Variants in MUC4 observed in about 807,000 individuals in gnomAD.
MUC4 encodes mucin 4, cell surface associated, also known as mucin-4.
MUC4 carries 202 observed loss-of-function variants against 257.9 expected under a neutral mutation model. The observed-to-expected ratio is 0.78, with a 90% CI of 0.70 to 0.88. MUC4 has a LOEUF of 0.88. Ranked by LOEUF, MUC4 falls within the 40% of genes least tolerant of loss-of-function variation. The pLI, the probability that MUC4 is intolerant of heterozygous loss-of-function variation, is 0.00. For missense variants in MUC4, 5,976 were observed against 6,513.7 expected (o/e 0.92, Z 2.84); for synonymous variants, 2,351 against 2,757.1 (o/e 0.85, Z 4.62).
intron 1 of MUC4, among the ~76,000 whole-genome samples, chr3:195,799,953 C>T (rs1735087101): frequency 6.6e-6 from 1 of 152,200 alleles, no homozygotes; most frequent in African/African-American, 2.4e-5. Context: ...CAGGCCCCAT[C>T]CCTCACCTGC....
Position 195,789,439 on chromosome 3 carries a change from T to C in MUC4, c.2141A>G (p.Gln714Arg). The part of the protein sequence containing the change: ...HTTQAPTTAL[Q>R]AAPSSHDATL... ...GGCATCATGGCTGCTGGGTGCTGCC[T>C]GCAGTGCTGTGGTCGGGGCCTGGGT... Residue 714 changes from glutamine (Q) to arginine (R), a missense_variant, in exon 2 of 25, where the codon CAG becomes CGG. Transcript: ENST00000463781. 6.2e-7 allele frequency: 1 copy of C among 1,613,836 alleles called. No individual in the cohort carries two copies. Among genetic ancestry groups the C allele is most frequent in the Non-Finnish European group, 8.5e-7 (1 of 1,179,830 alleles).
At position 195,788,825 on chromosome 3, in the gene MUC4, AC is replaced by A; in HGVS notation, c.2754del (p.Ser919LeufsTer317). The A allele has an allele frequency of 2.5e-6, 4 of 1,613,784 alleles. No homozygotes were observed. Among genetic ancestry groups the A allele is most frequent in the Non-Finnish European group, 3.4e-6 (4 of 1,179,826 alleles). On this transcript the variant is annotated frameshift_variant, in exon 2 of 25. Coordinates refer to ENST00000463781, the MANE Select transcript of MUC4 (RefSeq NM_018406.7). LOFTEE classifies it high-confidence loss of function. Reference sequence around the variant, plus strand: ...TGGGACGCCAGGCTGATAGTGTCAGACCCTCTGCTGGTTCTTGTCCTCTGAG... The same window carrying A: ...TGGGACGCCAGGCTGATAGTGTCAGACCTCTGCTGGTTCTTGTCCTCTGAG... ...AQTQRTRTSRGSDTISLASQA... is the reference protein window; with the variant it reads ...AQTQRTRTSRXSDTISLASQA...
chr3:195,762,186 C>T lies in MUC4; in HGVS notation c.14413G>A (p.Asp4805Asn). ...RNGSEVSASF[D>N]GWATVSVIAL... ...ATCACCGAGACGGTGGCCCAGCCGT[C>T]GAAGCTGGCCGAGACCTCAGAGCCG... The change falls in exon 14 of 25, where the codon GAC becomes AAC. Residue 4805 changes from aspartate (D) to asparagine (N), a missense_variant. This residue lies in a region of MUC4 where 996 missense variants were observed against 1,137.3 expected (regional missense o/e 0.88). Coordinates refer to ENST00000463781, the MANE Select transcript of MUC4 (RefSeq NM_018406.7). 6.2e-7 allele frequency: 1 copy of T among 1,603,378 alleles called. No homozygotes were observed. Among genetic ancestry groups the T allele is most frequent in the Non-Finnish European group, 8.5e-7 (1 of 1,175,198 alleles).
In MUC4 at chr3:195,779,527, G is replaced by A. The variant is rs74573747; in HGVS notation, c.12053C>T (p.Pro4018Leu). The change falls in exon 2 of 25, where the codon CCT (proline) becomes CTT (leucine). Residue 4018 changes from proline (P) to leucine (L), a missense_variant. Pro to Leu is a moderately conservative substitution (Grantham distance 98). Coordinates refer to ENST00000463781, the MANE Select transcript of MUC4 (RefSeq NM_018406.7). ...GGATGCTGAGGAAGGGCTGGTGACA[G>A]GAAGAGGGGTGGCGTGACCTGTAGA... ...SVSTGHATPL[P>L]VTSPSSASTG... is the part of the protein sequence containing the mutation. 6.0e-6 allele frequency: 6 copies of A among 1,000,290 alleles called. 1 individual carries two copies. Among genetic ancestry groups the A allele is most frequent in the African/African-American group, 4.4e-5 (2 of 45,058 alleles). 62.0% of individuals were successfully genotyped at this position (1,000,290 alleles called of 1,614,324 possible).
intron 4 of MUC4, among the ~76,000 whole-genome samples, chr3:195,772,976 A>T (rs71318001): frequency 9.3e-6 from 1 of 107,772 alleles, no homozygotes; most frequent in East Asian, 4.9e-4. Context: ...TCAGGGGTGT[A>T]GACACCCTCT....
intron 18 of MUC4, among the ~76,000 whole-genome samples, chr3:195,756,403 C>T (rs527597657): frequency 8.5e-5 from 13 of 152,262 alleles, no homozygotes; most frequent in Admixed American, 3.9e-4. Context: ...AGCTGTGGGG[C>T]GCTGTGAGAA....
At chr3:195,768,905 A>C (rs1007549814) in intron 7 of MUC4, 117 bp downstream of exon 7, 2 of 1,342,932 alleles carry the variant, frequency 1.5e-6, no homozygotes, top group African/African-American at 2.9e-5. Flanking sequence ...CGTGAGTCAG[A>C]AGCACCAGCC....
At chr3:195,767,775 CCATCACCACCATCATTGCCACCACCAT>C (rs1721568045) in intron 7 of MUC4, among the ~76,000 whole-genome samples, 3 of 106,708 alleles carry the variant, frequency 2.8e-5, no homozygotes, top group South Asian at 3.3e-4. Context: ...ACCACCACCA[CCATCACCACCATCATTGCCACCACCAT>C]CATCACCACC....
chr3:195,761,653 C>A lies in MUC4; in HGVS notation c.14513-68G>T. On this transcript the variant is annotated intron_variant, in intron 14 of 24. Transcript: ENST00000463781. ...TGTCCCCTTCCTGGGGAGCATCCGG[C>A]GGACGCAGTGGGGAGAGGCCAGGGC... is the stretch of plus-strand genomic sequence containing the variant. 3.2e-6 allele frequency: 4 copies of A among 1,262,998 alleles called. No individual in the cohort carries two copies. In the South Asian group the frequency reaches 4.9e-5, roughly 16 times the overall value. 78.2% of individuals were successfully genotyped at this position (1,262,998 alleles called of 1,614,324 possible).
rs760937737 is a variant in MUC4, at chr3:195,786,477, G to T, written c.5103C>A (p.Asp1701Glu). 5 of 1,525,928 alleles carry T rather than the reference G, an allele frequency of 3.3e-6. 1 individual carries two copies. The highest frequency in any genetic ancestry group is 5.0e-5 in the East Asian group (2 of 40,006). 94.5% of individuals were successfully genotyped at this position (1,525,928 alleles called of 1,614,324 possible). A position where few individuals can be genotyped will look rare whatever the true frequency, so the allele number is the denominator to read the frequency against. The change falls in exon 2 of 25, where the codon GAC becomes GAA. Residue 1701 changes from aspartate (D) to glutamate (E), a missense_variant. Around this residue, in one of 44 missense-constraint regions of MUC4, gnomAD observed 138 missense variants for 107.8 expected, o/e 1.28. Coordinates refer to ENST00000463781, the MANE Select transcript of MUC4 (RefSeq NM_018406.7). Reference protein sequence around the residue: ...TDDTTRLPVTDVSSASTGQAT... With the variant: ...TDDTTRLPVTEVSSASTGQAT... ...CCTGACCTGTGGATGCCGAGGAAACGTCGGTGACAGGAAGACGGGTGGTGT... is the reference window on the plus strand; with the variant it reads ...CCTGACCTGTGGATGCCGAGGAAACTTCGGTGACAGGAAGACGGGTGGTGT...
At chr3:195,760,022 T>C (rs1718456914) in intron 16 of MUC4, among the ~76,000 whole-genome samples, 1 of 144,084 alleles carries the variant, frequency 6.9e-6, no homozygotes, top group Non-Finnish European at 1.5e-5. Flanking sequence ...GGTCTGTTTC[T>C]CGGAGCCCTG....
At position 195,760,935 on chromosome 3, in the gene MUC4, G is replaced by T. The variant is rs759754343; in HGVS notation, c.14797C>A (p.Leu4933Ile). Residue 4933 changes from leucine to isoleucine, a missense_variant, in exon 16 of 25, where the codon CTT (leucine) becomes ATT (isoleucine). Physicochemically the swap from Leu to Ile is conservative, Grantham distance 5. This residue lies in a region of MUC4 where 996 missense variants were observed against 1,137.3 expected (regional missense o/e 0.88). Transcript: ENST00000463781. ...TTTTTACTGACTTCCCTCGTGTGAA[G>T]TCCGATGCTTGCGTTGCGCAGGGCC... ...TLALRNASIG[L>I]HTREVSKNYE... 4.3e-6 allele frequency: 7 copies of T among 1,614,116 alleles called. No homozygotes were observed. The Admixed American group carries it at 6.7e-5, about 15-fold the overall frequency.
At chr3:195,798,577 G>A (rs903373874) in intron 1 of MUC4, among the ~76,000 whole-genome samples, 4 of 151,196 alleles carry the variant, frequency 2.6e-5, no homozygotes, top group Admixed American at 6.6e-5. Context: ...GGTGGCGGGC[G>A]CCTGTAGTCC....
In MUC4 at chr3:195,780,670, C is replaced by G. The variant is rs747744524; in HGVS notation, c.10910G>C (p.Ser3637Thr). The change falls in exon 2 of 25, where the codon AGC becomes ACC. Residue 3637 changes from serine to threonine, a missense_variant. Ser to Thr is a moderately conservative substitution (Grantham distance 58). Around this residue, in one of 44 missense-constraint regions of MUC4, gnomAD observed 59 missense variants for 149.8 expected, o/e 0.39. Coordinates refer to ENST00000463781, the MANE Select transcript of MUC4 (RefSeq NM_018406.7). ...TGQATPLPVTSLSSVSTGDTT... is the reference protein window; with the variant it reads ...TGQATPLPVTTLSSVSTGDTT... ...GTCACCTGTGGATACTGAGGAAAGGCTGGTGACAGGAAGAGGGGTGGCCTG... is the reference window on the plus strand; with the variant it reads ...GTCACCTGTGGATACTGAGGAAAGGGTGGTGACAGGAAGAGGGGTGGCCTG... 1.3e-6 allele frequency: 2 copies of G among 1,512,746 alleles called. No individual in the cohort carries two copies. Among genetic ancestry groups the G allele is most frequent in the African/African-American group, 3.7e-5 (2 of 54,196 alleles). 93.7% of individuals were successfully genotyped at this position (1,512,746 alleles called of 1,614,324 possible). A position where few individuals can be genotyped will look rare whatever the true frequency, so the allele number is the denominator to read the frequency against.
At chr3:195,777,659 C>T (rs1221154083) in intron 3 of MUC4, among the ~76,000 whole-genome samples, 5 of 37,066 alleles carry the variant, frequency 1.3e-4, no homozygotes, top group African/African-American at 3.4e-4. Context: ...ACCTTCCACA[C>T]CCATACCTTC....
chr3:195,774,254 C>A lies in MUC4; in HGVS notation c.12995G>T (p.Arg4332Met). The A allele has an allele frequency of 6.2e-7, 1 of 1,600,684 alleles. No homozygotes were observed. Among genetic ancestry groups the A allele is most frequent in the Non-Finnish European group, 8.5e-7 (1 of 1,174,520 alleles). The change falls in exon 4 of 25, where the codon AGG (arginine) becomes ATG (methionine). Residue 4332 changes from arginine to methionine, a missense_variant. Around this residue, in one of 44 missense-constraint regions of MUC4, gnomAD observed 233 missense variants for 171.2 expected, o/e 1.36. Transcript: ENST00000463781. Reference sequence around the variant, plus strand: ...TGGGGAGGTGAAGTCCACGGTCCTCCTGACGAACTCCAGGTCCCCGGCGCC... The same window carrying A: ...TGGGGAGGTGAAGTCCACGGTCCTCATGACGAACTCCAGGTCCCCGGCGCC... Reference protein sequence around the residue: ...GAGAGDLEFVRRTVDFTSPLF... With the variant: ...GAGAGDLEFVMRTVDFTSPLF...
rs1469842640 is a variant in MUC4, at chr3:195,789,097, G to C, written c.2483C>G (p.Thr828Arg). The change falls in exon 2 of 25, where the codon ACA becomes AGA. Residue 828 changes from threonine to arginine, a missense_variant. Coordinates refer to ENST00000463781, the MANE Select transcript of MUC4 (RefSeq NM_018406.7). ...CCTGGAGGGGTTTGATGAAAACCTT[G>C]TCGTCTCTCCTGAGGTGGATATTCC... Reference protein sequence around the residue: ...SEGISTSGETTRFSSNPSRDS... With the variant: ...SEGISTSGETRRFSSNPSRDS... 6.2e-7 allele frequency: 1 copy of C among 1,612,262 alleles called. No homozygotes were observed. Among genetic ancestry groups the C allele is most frequent in the South Asian group, 1.1e-5 (1 of 91,050 alleles).
chr3:195,775,470 T>C (rs796915218), intron 3 of MUC4, among the ~76,000 whole-genome samples: 201 of 17,580 alleles, frequency 0.011, 3 homozygotes, highest in African/African-American at 0.05. Context: ...CCTTCCACAG[T>C]CATACCTTCC....
chr3:195,747,247 C>G lies in MUC4; in HGVS notation c.16168G>C (p.Val5390Leu). The change falls in exon 25 of 25, where the codon GTC becomes CTC. Residue 5390 changes from valine (V) to leucine (L), a missense_variant. Physicochemically the swap from Val to Leu is conservative, Grantham distance 32. Transcript: ENST00000463781. The stretch of plus-strand genomic sequence containing the variant: ...CCGGAGCAACCCCAGAAGCGCAGGA[C>G]CACGAACGTCCCGACCCCCAGCAGC... Reference protein sequence around the residue: ...LLLLGVGTFVVLRFWGCSGAR... With the variant: ...LLLLGVGTFVLLRFWGCSGAR... The G allele has an allele frequency of 6.2e-7, 1 of 1,614,252 alleles. No homozygotes were observed. Among genetic ancestry groups the G allele is most frequent in the South Asian group, 1.1e-5 (1 of 91,086 alleles).
Sources: gnomAD v4.1 joint callset for allele counts (sites outside exome capture counted in the v4.1 genomes callset) on GRCh38, gnomAD v4.1.1 for gene constraint, gnomAD v4.1.1 regional missense constraint, MANE v1.5 for transcripts, NCBI Gene and HGNC (gene_info 2026-07-23, HGNC 2026-07-21) for gene names.